Variants in C16orf74 observed in about 807,000 individuals in gnomAD.
C16orf74 encodes calcimembrin.
C16orf74 carries 10 observed loss-of-function variants against 6.5 expected under a neutral mutation model. The ratio of observed to expected loss-of-function variants is 1.54; its 90% CI spans 0.95 to 2.61. The LOEUF (loss-of-function observed/expected upper bound fraction) is 2.61, where lower values mean the gene tolerates loss of function less well. Among genes scored for constraint, C16orf74 ranks in the 30% most tolerant of loss-of-function variants. The pLI is 0.00. For synonymous variants in C16orf74, 60 were observed against 42.5 expected (o/e 1.41, Z -1.60); for missense variants, 141 against 105.9 (o/e 1.33, Z -1.45).
chr16:85,738,156 G>A (rs551755924), intron 1 of C16orf74, among the ~76,000 whole-genome samples: 3 of 151,552 alleles, frequency 2.0e-5, no homozygotes, highest in African/African-American at 7.3e-5. Context: ...GAGGTGGGAG[G>A]ATCACTTGAG....
chr16:85,723,657 G>A (rs984345100), intron 2 of C16orf74, among the ~76,000 whole-genome samples: 1 of 152,228 alleles, frequency 6.6e-6, no homozygotes, highest in Admixed American at 6.5e-5. Flanking sequence ...GCCACCTTCT[G>A]AGTGGATGGT....
chr16:85,744,829 C>CAAAAAAA (rs11436332), intron 1 of C16orf74, among the ~76,000 whole-genome samples: 1 of 59,378 alleles, frequency 1.7e-5, no homozygotes, highest in Non-Finnish European at 3.0e-5. Flanking sequence ...GACTCCATCT[C>CAAAAAAA]AAAAAAAAAA....
Position 85,731,330 on chromosome 16 carries a change from G to T in C16orf74, c.28+3860C>A, listed in dbSNP as rs148584631. On this transcript the variant is annotated intron_variant, in intron 2 of 3. Coordinates refer to ENST00000284245, the MANE Select transcript of C16orf74 (RefSeq NM_206967.3). ...TAAACTGAGCATGGGGCCCTGTGCA[G>T]CTGCAGAGGTCACATGCCTGTGAAG... Among the ~76,000 whole-genome samples, 230 of 152,388 alleles carry T rather than the reference G, an allele frequency of 1.5e-3. 3 individuals are homozygous for T. The highest frequency in any genetic ancestry group is 5.4e-3 in the African/African-American group (226 of 41,598).
intron 2 of C16orf74, among the ~76,000 whole-genome samples, chr16:85,729,713 A>G (rs1018995390): frequency 1.3e-5 from 2 of 152,136 alleles, no homozygotes; most frequent in African/African-American, 4.8e-5. Flanking sequence ...TGTCCTTACA[A>G]GAGGAGGAGA....
At chr16:85,733,767 T>G (rs944392992) in intron 2 of C16orf74, among the ~76,000 whole-genome samples, 2 of 152,110 alleles carry the variant, frequency 1.3e-5, no homozygotes, top group African/African-American at 4.8e-5. Flanking sequence ...GCCTGGAGTC[T>G]CAGAGGAAGC....
intron 2 of C16orf74, among the ~76,000 whole-genome samples, chr16:85,722,710 G>A (rs1045225409): frequency 2.0e-4 from 30 of 152,152 alleles, no homozygotes; most frequent in African/African-American, 7.0e-4. Flanking sequence ...CAACCTCAGC[G>A]AATCTTACAG....
chr16:85,745,139 TAAAAA>T (rs10554549), intron 1 of C16orf74, among the ~76,000 whole-genome samples: 8 of 50,994 alleles, frequency 1.6e-4, no homozygotes, highest in African/African-American at 6.3e-4. Flanking sequence ...AAACTCTGTC[TAAAAA>T]AAAAAAAAAA....
chr16:85,726,897 G>A (rs1014953455), intron 2 of C16orf74, among the ~76,000 whole-genome samples: 8 of 152,212 alleles, frequency 5.3e-5, no homozygotes, highest in Middle Eastern at 3.4e-3. Context: ...TTCTGCTACC[G>A]GAAACAGCCA....
chr16:85,746,758 C>A (rs895539384), intron 1 of C16orf74, among the ~76,000 whole-genome samples: 10 of 152,138 alleles, frequency 6.6e-5, no homozygotes, highest in African/African-American at 2.2e-4. Context: ...CCTGGTCATG[C>A]TGCAAGCAGG....
chr16:85,714,666 C>T (rs1438449857), intron 2 of C16orf74, among the ~76,000 whole-genome samples: 1 of 151,406 alleles, frequency 6.6e-6, no homozygotes, highest in African/African-American at 2.4e-5. Flanking sequence ...GATCCACCCG[C>T]CTTGGCCTCC....
intron 1 of C16orf74, chr16:85,743,777 G>T (rs2054337333): frequency 6.6e-6 from 1 of 152,110 alleles, no homozygotes; most frequent in African/African-American, 2.4e-5. Context: ...AATTGGGCTG[G>T]GCGCGGTGGC....
intron 2 of C16orf74, among the ~76,000 whole-genome samples, chr16:85,721,668 C>T (rs1436823022): frequency 6.6e-6 from 1 of 152,206 alleles, no homozygotes. Context: ...GGCCCGTCAC[C>T]CACGGTCTTC....
chr16:85,724,274 C>G (rs184685391), intron 2 of C16orf74, among the ~76,000 whole-genome samples: 56 of 152,334 alleles, frequency 3.7e-4, no homozygotes, highest in Non-Finnish European at 7.2e-4. Context: ...CCCCATCCCT[C>G]TGTCTCCCTG....
intron 1 of C16orf74, among the ~76,000 whole-genome samples, chr16:85,742,955 G>A (rs2054326494): frequency 6.6e-6 from 1 of 152,156 alleles, no homozygotes; most frequent in Non-Finnish European, 1.5e-5. Context: ...TGTCATCATT[G>A]TTGCTGCCAC....
chr16:85,738,897 C>G (rs1326685460), intron 1 of C16orf74, among the ~76,000 whole-genome samples: 2 of 152,142 alleles, frequency 1.3e-5, no homozygotes, highest in African/African-American at 4.8e-5. Context: ...TCACAGGAAA[C>G]AGGCACAGAG....
At chr16:85,737,287 C>T (rs567393839) in intron 1 of C16orf74, among the ~76,000 whole-genome samples, 3 of 152,320 alleles carry the variant, frequency 2.0e-5, no homozygotes, top group South Asian at 2.1e-4. Context: ...TTCCCGGTAG[C>T]TGTGCATGCA....
intron 2 of C16orf74, among the ~76,000 whole-genome samples, chr16:85,716,233 C>T (rs532870870): frequency 1.7e-3 from 256 of 148,770 alleles, no homozygotes; most frequent in African/African-American, 6.1e-3. Context: ...GCAGAAGTCT[C>T]GGAGGAGAGG....
chr16:85,720,306 C>G (rs2054069831), intron 2 of C16orf74, among the ~76,000 whole-genome samples: 1 of 152,204 alleles, frequency 6.6e-6, no homozygotes, highest in African/African-American at 2.4e-5. Context: ...GCCCAGCCGC[C>G]TGGCTCTGCC....
At chr16:85,714,695 G>A (rs1384816732) in intron 2 of C16orf74, among the ~76,000 whole-genome samples, 1 of 151,258 alleles carries the variant, frequency 6.6e-6, no homozygotes, top group Non-Finnish European at 1.5e-5. Flanking sequence ...TGGGATTACA[G>A]GCATGAGCCA....
Sources: allele counts gnomAD v4.1 joint callset (sites outside exome capture counted in the v4.1 genomes callset), GRCh38; gene constraint gnomAD v4.1.1; transcripts MANE v1.5; gene names NCBI Gene and HGNC (gene_info 2026-07-23, HGNC 2026-07-21).